The following CRTAP variants were observed in gnomAD, a reference collection of about 807,000 sequenced individuals.
The protein encoded by CRTAP is cartilage-associated protein.
A neutral mutation model predicts 42.7 loss-of-function variants in CRTAP; 33 were observed. That is an observed-to-expected ratio of 0.77 (90% CI 0.59 to 1.03). The LOEUF is 1.03. CRTAP is among the 50% of genes least tolerant of loss of function. CRTAP has a pLI of 0.00. For synonymous variants in CRTAP, 243 were observed against 217.7 expected, an observed-to-expected ratio of 1.12 and a Z score of -1.02; for missense variants, 613 against 533.9, an observed-to-expected ratio of 1.15 and a Z score of -1.46.
At chr3:33,121,543 A>G (rs1234902556) in intron 2 of CRTAP, among the ~76,000 whole-genome samples, 2 of 152,156 alleles carry the variant, frequency 1.3e-5, no homozygotes, top group Non-Finnish European at 2.9e-5. Context: ...GGGAAAATGT[A>G]TGTGTGGAAG....
At chr3:33,135,177 T>C (rs1055973162) in intron 6 of CRTAP, among the ~76,000 whole-genome samples, 1 of 152,222 alleles carries the variant, frequency 6.6e-6, no homozygotes, top group Non-Finnish European at 1.5e-5. Context: ...GGAAATGCTT[T>C]CTAAACTGGA....
In CRTAP at chr3:33,124,510, G is replaced by A. The variant is rs147836108; in HGVS notation, c.724G>A (p.Glu242Lys). The A allele has an allele frequency of 2.1e-5, 34 of 1,614,084 alleles. No individual in the cohort carries two copies. Among genetic ancestry groups the A allele is most frequent in the Middle Eastern group, 3.3e-4 (2 of 6,084 alleles). The change falls in exon 3 of 7, where the codon GAG becomes AAG. Residue 242 changes from glutamate (E) to lysine (K), a missense_variant. By Grantham distance (56) the Glu-to-Lys change is moderately conservative. Coordinates refer to ENST00000320954, the MANE Select transcript of CRTAP (RefSeq NM_006371.5). ...TCCCGACTTCTTCAAAGCCTTTTAC[G>A]AGTGTCTCGCAGCCTGCGAGGGTTC... is the stretch of plus-strand genomic sequence containing the variant. ...ALPDFFKAFY[E>K]CLAACEGSRE...
chr3:33,140,406 G>A (rs1414349449), intron 6 of CRTAP, among the ~76,000 whole-genome samples: 2 of 152,174 alleles, frequency 1.3e-5, no homozygotes, highest in Non-Finnish European at 2.9e-5. Context: ...CATCTCTAAA[G>A]AATGAACCAT....
At chr3:33,121,303 T>C (rs1248210368) in intron 2 of CRTAP, among the ~76,000 whole-genome samples, 1 of 152,018 alleles carries the variant, frequency 6.6e-6, no homozygotes, top group Admixed American at 6.6e-5. Flanking sequence ...ACCCAGCTAC[T>C]CGAGAGGCTG....
At chr3:33,121,127 G>A (rs1295110577) in intron 2 of CRTAP, among the ~76,000 whole-genome samples, 1 of 152,152 alleles carries the variant, frequency 6.6e-6, no homozygotes, top group Admixed American at 6.5e-5. Flanking sequence ...ATGGGAATTT[G>A]GCTGGGCACA....
In CRTAP at chr3:33,124,489, G is replaced by T. The variant is rs770887829; in HGVS notation, c.703G>T (p.Asp235Tyr). ...CACAGACATGGAGCTGGCCCTTCCC[G>T]ACTTCTTCAAAGCCTTTTACGAGTG... ...SITDMELALP[D>Y]FFKAFYECLA... The change falls in exon 3 of 7, where the codon GAC (aspartate) becomes TAC (tyrosine). Residue 235 changes from aspartate to tyrosine, a missense_variant. Coordinates refer to ENST00000320954, the MANE Select transcript of CRTAP (RefSeq NM_006371.5). 1.2e-6 allele frequency: 2 copies of T among 1,614,210 alleles called. No homozygotes were observed. Among genetic ancestry groups the T allele is most frequent in the Admixed American group, 3.3e-5 (2 of 60,022 alleles).
chr3:33,132,867 C>T (rs1198262822), intron 5 of CRTAP, among the ~76,000 whole-genome samples, 167 bp downstream of exon 5: 1 of 152,106 alleles, frequency 6.6e-6, no homozygotes, highest in Non-Finnish European at 1.5e-5. Context: ...ATCATGATGT[C>T]AGGAGTTCGA....
At chr3:33,130,525 C>CTTTTTTTTTTT (rs765558103) in intron 4 of CRTAP, among the ~76,000 whole-genome samples, 24 of 55,272 alleles carry the variant, frequency 4.3e-4, no homozygotes, top group African/African-American at 7.8e-4. Context: ...CTTTTCTTTT[C>CTTTTTTTTTTT]TTTTTTTTTT....
rs1377413729 is a variant in CRTAP, at chr3:33,142,609, C to T, written c.*161C>T. ...CTAACTGCATGTCATCAGGGGTGAG[C>T]CTGCCTTTCCTATCTTCACACCTGC... On this transcript the variant is annotated 3_prime_UTR_variant, in exon 7 of 7. Coordinates refer to ENST00000320954, the MANE Select transcript of CRTAP (RefSeq NM_006371.5). 2 of 640,066 alleles carry T rather than the reference C, an allele frequency of 3.1e-6. No individual in the cohort carries two copies. Among genetic ancestry groups the T allele is most frequent in the East Asian group, 2.7e-5 (1 of 36,402 alleles). 39.6% of individuals were successfully genotyped at this position (640,066 alleles called of 1,614,324 possible).
At position 33,114,132 on chromosome 3, in the gene CRTAP, TGCGCGCTGCGCGCCGG is replaced by T. The variant is rs1701308701; in HGVS notation, c.62_77del (p.Leu21ProfsTer16). The T allele has an allele frequency of 6.4e-7, 1 of 1,566,496 alleles. No individual in the cohort carries two copies. Among genetic ancestry groups the T allele is most frequent in the South Asian group, 1.2e-5 (1 of 86,692 alleles). ...GCTGCTAGCGCTGCTGTGCGTGGCC[TGCGCGCTGCGCGCCGG>T]GCGCGCCCAATACGAACGCTACAGC... On this transcript the variant is annotated frameshift_variant, in exon 1 of 7. Coordinates refer to ENST00000320954, the MANE Select transcript of CRTAP (RefSeq NM_006371.5). LOFTEE classifies it high-confidence loss of function.
At chr3:33,126,765 A>G (rs1046819508) in intron 3 of CRTAP, among the ~76,000 whole-genome samples, 1 of 152,196 alleles carries the variant, frequency 6.6e-6, no homozygotes, top group Non-Finnish European at 1.5e-5. Flanking sequence ...GGTTTTATAC[A>G]TTTTAGGGAG....
rs4678475 is a variant in CRTAP, at chr3:33,143,915, G to A, written c.*1467G>A. Reference sequence around the variant, plus strand: ...GTAGAATGGAAGGAGAGGCGGCTGGGGAGGACAGGTGGTGGAGGGCCTTGG... The same window carrying A: ...GTAGAATGGAAGGAGAGGCGGCTGGAGAGGACAGGTGGTGGAGGGCCTTGG... On this transcript the variant is annotated 3_prime_UTR_variant, in exon 7 of 7. Transcript: ENST00000320954. 0.25 allele frequency: 37,630 copies of A among 152,382 alleles called. 4,962 individuals are homozygous for A. The highest frequency in any genetic ancestry group is 0.49 in the East Asian group (2,535 of 5,160). The allele number at this position is 152,382 out of a possible 1,614,324, so 9.4% of individuals were successfully genotyped here.
rs555598507 is a variant in CRTAP, at chr3:33,145,301, G to A, written c.*2853G>A. 3.9e-5 allele frequency: 6 copies of A among 152,404 alleles called. No individual in the cohort carries two copies. The highest frequency in any genetic ancestry group is 7.3e-5 in the Non-Finnish European group (5 of 68,080). 9.4% of individuals were successfully genotyped at this position (152,404 alleles called of 1,614,324 possible). A position where few individuals can be genotyped will look rare whatever the true frequency, so the allele number is the denominator to read the frequency against. On this transcript the variant is annotated 3_prime_UTR_variant, in exon 7 of 7. Coordinates refer to ENST00000320954, the MANE Select transcript of CRTAP (RefSeq NM_006371.5). The surrounding 1 kb of genome is among the most constrained non-coding windows in gnomAD (Gnocchi z 4.3). ...TCTGTCTTGGGCTGAAGTTGCCCAC[G>A]TCCACAAAATCTGTACTCCCAGCGG...
intron 6 of CRTAP, among the ~76,000 whole-genome samples, chr3:33,139,959 TG>T (rs2030529577): frequency 6.6e-6 from 1 of 152,248 alleles, no homozygotes; most frequent in South Asian, 2.1e-4. Context: ...GCATTTAGTT[TG>T]CTTCCAACTT....
At position 33,125,491 on chromosome 3, in the gene CRTAP, GTTTTTTTTTT is replaced by G. The variant is rs60498778; in HGVS notation, c.793+927_793+936del. 1.0e-4 allele frequency among the ~76,000 whole-genome samples: 3 copies of G among 30,126 alleles called. 1 individual carries two copies. Among genetic ancestry groups the G allele is most frequent in the African/African-American group, 4.0e-4 (3 of 7,592 alleles). 19.8% of individuals were successfully genotyped at this position (30,126 alleles called of 152,430 possible). A position where few individuals can be genotyped will look rare whatever the true frequency, so the allele number is the denominator to read the frequency against. On this transcript the variant is annotated intron_variant, in intron 3 of 6. Transcript: ENST00000320954. ...TCATTAATCTCTTTCTACAAAGTAG[GTTTTTTTTTT>G]TTTTTTTTTTTTTTGCCTTAAGAAA...
At chr3:33,118,051 C>T (rs527276233) in intron 1 of CRTAP, among the ~76,000 whole-genome samples, 1 of 152,054 alleles carries the variant, frequency 6.6e-6, no homozygotes, top group African/African-American at 2.4e-5. Context: ...ACCTCCGCCC[C>T]CCGGGTTCAA....
intron 3 of CRTAP, among the ~76,000 whole-genome samples, chr3:33,129,691 C>A (rs148900460): frequency 1.6e-4 from 24 of 151,854 alleles, no homozygotes; most frequent in Admixed American, 1.1e-3. Context: ...GCGCCCACCA[C>A]GACGCCCAGC....
chr3:33,127,614 A>G (rs906548612), intron 3 of CRTAP, among the ~76,000 whole-genome samples: 1 of 151,328 alleles, frequency 6.6e-6, no homozygotes, highest in Non-Finnish European at 1.5e-5. Flanking sequence ...CGTCTGGCTA[A>G]TTTTTATATT....
intron 1 of CRTAP, 58 bp downstream of exon 1, chr3:33,114,606 C>A: frequency 6.7e-7 from 1 of 1,500,592 alleles, no homozygotes; most frequent in South Asian, 1.2e-5. Context: ...AGCCTCCAGG[C>A]CCTAGCCCCG....
Sources: gnomAD v4.1 joint callset for allele counts (sites outside exome capture counted in the v4.1 genomes callset) on GRCh38, gnomAD v4.1.1 for gene constraint, Gnocchi (gnomAD v3.1) non-coding constraint, MANE v1.5 for transcripts, NCBI Gene and HGNC (gene_info 2026-07-23, HGNC 2026-07-21) for gene names.